Variants in CALCRL observed in about 807,000 individuals in gnomAD.
CALCRL encodes calcitonin receptor like receptor.
In CALCRL, 27 loss-of-function variants were observed where a neutral mutation model predicts 60.4. The observed-to-expected ratio is 0.45, with a 90% confidence interval of 0.33 to 0.62. The LOEUF is 0.62. Ranked by LOEUF, CALCRL falls within the 20% of genes least tolerant of loss-of-function variation. The pLI is 0.03. For synonymous variants in CALCRL, 190 were observed against 182.6 expected, an observed-to-expected ratio of 1.04 and a Z score of -0.33; for missense variants, 424 against 540.7, an observed-to-expected ratio of 0.78 and a Z score of 2.14.
At chr2:187,447,683 G>T (rs574270081) in intron 1 of CALCRL, among the ~76,000 whole-genome samples, 1 of 152,102 alleles carries the variant, frequency 6.6e-6, no homozygotes, top group South Asian at 2.1e-4. Context: ...CTTCCGGGGG[G>T]AGAAATGTTT....
At chr2:187,386,107 G>T (rs1424717192) in intron 3 of CALCRL, among the ~76,000 whole-genome samples, 2 of 140,154 alleles carry the variant, frequency 1.4e-5, no homozygotes, top group East Asian at 4.4e-4. Context: ...AATTTAATTA[G>T]ACTTACAAAC....
At chr2:187,371,929 A>G (rs1687543529) in intron 8 of CALCRL, among the ~76,000 whole-genome samples, 1 of 152,196 alleles carries the variant, frequency 6.6e-6, no homozygotes, top group Non-Finnish European at 1.5e-5. Flanking sequence ...ACTGAGAAGC[A>G]GAAATACAAG....
At chr2:187,436,283 T>C (rs1407909179) in intron 1 of CALCRL, among the ~76,000 whole-genome samples, 2 of 152,122 alleles carry the variant, frequency 1.3e-5, no homozygotes, top group African/African-American at 4.8e-5. Flanking sequence ...ATCATCTCCA[T>C]CTGTCCATTG....
chr2:187,356,512 G>A (rs1179597624), intron 12 of CALCRL, among the ~76,000 whole-genome samples: 1 of 152,142 alleles, frequency 6.6e-6, no homozygotes, highest in Non-Finnish European at 1.5e-5. Flanking sequence ...AACTCAAGAT[G>A]CATGAAAGAC....
intron 1 of CALCRL, among the ~76,000 whole-genome samples, chr2:187,408,973 G>A (rs1689247881): frequency 6.6e-6 from 1 of 152,154 alleles, no homozygotes; most frequent in African/African-American, 2.4e-5. Flanking sequence ...AAGGGAGCAT[G>A]AATAAATTAA....
chr2:187,361,486 C>T lies in CALCRL; in HGVS notation c.628-735G>A, dbSNP rs148185050. 9.2e-3 allele frequency among the ~76,000 whole-genome samples: 1,392 copies of T among 151,976 alleles called. 19 individuals are homozygous for T. Among genetic ancestry groups the T allele is most frequent in the African/African-American group, 0.032 (1,313 of 41,524 alleles). ...ACATGACCTGTTACTCCTATTGGCT[C>T]CAGTTTCTAGTCTGAAAATCAATAA... On this transcript the variant is annotated intron_variant, in intron 9 of 14. Coordinates refer to ENST00000392370, the MANE Select transcript of CALCRL (RefSeq NM_005795.6).
intron 1 of CALCRL, among the ~76,000 whole-genome samples, chr2:187,421,520 C>T (rs542160564): frequency 2.6e-5 from 4 of 152,258 alleles, no homozygotes; most frequent in Admixed American, 1.3e-4. Flanking sequence ...ATGACTTCTG[C>T]CTTTATAGTC....
chr2:187,380,794 G>A lies in CALCRL; in HGVS notation c.185-7C>T, dbSNP rs1053757227. 1 of 1,602,406 alleles carries A rather than the reference G, an allele frequency of 6.2e-7. No homozygotes were observed. Among genetic ancestry groups the A allele is most frequent in the Non-Finnish European group, 8.5e-7 (1 of 1,169,984 alleles). ...GTTCTGTTGCAGTAAACGCCTTAGT[G>A]GGGAAATAATAATTGGGGATAATTA... On this transcript the variant is annotated splice_region_variant and splice_polypyrimidine_tract_variant and intron_variant, in intron 5 of 14. Coordinates refer to ENST00000392370, the MANE Select transcript of CALCRL (RefSeq NM_005795.6).
At chr2:187,380,925 A>G in intron 5 of CALCRL, 138 bp from the exon 6 acceptor site, 1 of 439,026 alleles carries the variant, frequency 2.3e-6, no homozygotes, top group Non-Finnish European at 4.1e-6. Context: ...AAATCTATAT[A>G]TAGAAATTAT....
Position 187,363,400 on chromosome 2 carries a change from G to T in CALCRL, c.603C>A (p.Asn201Lys), listed in dbSNP as rs757493260. The T allele has an allele frequency of 1.2e-6, 2 of 1,611,752 alleles. No homozygotes were observed. The highest frequency in any genetic ancestry group is 3.4e-5 in the Admixed American group (2 of 59,662). Reference sequence around the variant, plus strand: ...CAGGATTTGTGGCTACTAAGGCCTGGTTGTTGGCCACTGCAGTGAGGTGAA... The same window carrying T: ...CAGGATTTGTGGCTACTAAGGCCTGTTTGTTGGCCACTGCAGTGAGGTGAA... ...TIIHLTAVAN[N>K]QALVATNPVS... Residue 201 changes from asparagine (N) to lysine (K), a missense_variant, in exon 9 of 15, where the codon AAC (asparagine) becomes AAA (lysine). Coordinates refer to ENST00000392370, the MANE Select transcript of CALCRL (RefSeq NM_005795.6).
intron 1 of CALCRL, among the ~76,000 whole-genome samples, chr2:187,424,346 G>A (rs577640720): frequency 2.0e-4 from 30 of 152,106 alleles, no homozygotes; most frequent in African/African-American, 7.0e-4. Context: ...GTGAGAGAGC[G>A]AGTACATTTA....
intron 1 of CALCRL, among the ~76,000 whole-genome samples, chr2:187,446,457 C>G (rs1262776520): frequency 6.6e-6 from 1 of 151,400 alleles, no homozygotes; most frequent in Non-Finnish European, 1.5e-5. Context: ...TCAAATTATA[C>G]AAGAAAATTA....
chr2:187,363,985 G>C (rs1326434860), intron 8 of CALCRL, among the ~76,000 whole-genome samples: 1 of 152,122 alleles, frequency 6.6e-6, no homozygotes, highest in Admixed American at 6.5e-5. Flanking sequence ...TGATTACACA[G>C]ACCGATCTGG....
In CALCRL at chr2:187,345,234, T is replaced by C. The variant is rs1480596746; in HGVS notation, c.*950A>G. 1 of 152,234 alleles carries C rather than the reference T, an allele frequency of 6.6e-6. No homozygotes were observed. Among genetic ancestry groups the C allele is most frequent in the Non-Finnish European group, 1.5e-5 (1 of 67,804 alleles). The allele number at this position is 152,234 out of a possible 1,614,324, so 9.4% of individuals were successfully genotyped here. A position where few individuals can be genotyped will look rare whatever the true frequency, so the allele number is the denominator to read the frequency against. On this transcript the variant is annotated 3_prime_UTR_variant, in exon 15 of 15. Transcript: ENST00000392370. ...GTTGTATGTATTTGATTTGAGACTA[T>C]AAAATAAAATAATGGAGTATTTACA...
chr2:187,446,200 C>A (rs1691173633), intron 1 of CALCRL, among the ~76,000 whole-genome samples: 1 of 151,612 alleles, frequency 6.6e-6, no homozygotes, highest in East Asian at 1.9e-4. Flanking sequence ...AAGGAAACAT[C>A]TTCTAGCAAA....
In CALCRL at chr2:187,344,112, G is replaced by A. The variant is rs534954276; in HGVS notation, c.*2072C>T. 4.0e-5 allele frequency: 6 copies of A among 151,486 alleles called. No homozygotes were observed. Among genetic ancestry groups the A allele is most frequent in the Non-Finnish European group, 5.9e-5 (4 of 67,620 alleles). 9.4% of individuals were successfully genotyped at this position (151,486 alleles called of 1,614,324 possible). A position where few individuals can be genotyped will look rare whatever the true frequency, so the allele number is the denominator to read the frequency against. On this transcript the variant is annotated 3_prime_UTR_variant, in exon 15 of 15. Coordinates refer to ENST00000392370, the MANE Select transcript of CALCRL (RefSeq NM_005795.6). Reference sequence around the variant, plus strand: ...TGGTCAGCAAAGGATTTAAATATGGGTCTTTGAATAATAAATAGCTAATAA... The same window carrying A: ...TGGTCAGCAAAGGATTTAAATATGGATCTTTGAATAATAAATAGCTAATAA...
In CALCRL at chr2:187,429,507, C is replaced by T. The variant is rs557965894; in HGVS notation, c.-293+18532G>A. Among the ~76,000 whole-genome samples, 6 of 152,268 alleles carry T rather than the reference C, an allele frequency of 3.9e-5. No homozygotes were observed. In the South Asian group the frequency reaches 1.0e-3, roughly 26 times the overall value. On this transcript the variant is annotated intron_variant, in intron 1 of 14. Coordinates refer to ENST00000392370, the MANE Select transcript of CALCRL (RefSeq NM_005795.6). ...ATATTCCACGGCAGTGGTAGATGAG[C>T]TAAGACTGGGAGCCCCCTCTCCTAA...
intron 1 of CALCRL, among the ~76,000 whole-genome samples, chr2:187,430,403 T>C (rs1223830943): frequency 6.6e-6 from 1 of 152,208 alleles, no homozygotes; most frequent in Non-Finnish European, 1.5e-5. Flanking sequence ...GTTATTGCCA[T>C]TTATTACGAT....
intron 1 of CALCRL, among the ~76,000 whole-genome samples, chr2:187,398,765 A>G (rs553929836): frequency 6.6e-6 from 1 of 151,724 alleles, no homozygotes; most frequent in Non-Finnish European, 1.5e-5. Flanking sequence ...TGGGGTTGCA[A>G]AGCAAGTAGG....
Sources: allele counts gnomAD v4.1 joint callset (sites outside exome capture counted in the v4.1 genomes callset), GRCh38; gene constraint gnomAD v4.1.1; transcripts MANE v1.5; gene names NCBI Gene and HGNC (gene_info 2026-07-23, HGNC 2026-07-21).